IQSEC3: variants seen among roughly 807,000 people sequenced by gnomAD.
IQSEC3 encodes IQ motif and SEC7 domain-containing protein 3.
A neutral mutation model predicts 105.4 loss-of-function variants in IQSEC3; 50 were observed. That is an observed-to-expected ratio of 0.47 (90% CI 0.38 to 0.60). IQSEC3 has a LOEUF of 0.60. IQSEC3 is among the 20% of genes least tolerant of loss of function. The pLI is 0.00. For missense variants in IQSEC3, 1,415 were observed against 1,630.0 expected, an observed-to-expected ratio of 0.87 and a Z score of 2.27; for synonymous variants, 708 against 746.0, an observed-to-expected ratio of 0.95 and a Z score of 0.83.
chr12:174,963 A>T lies in IQSEC3; in HGVS notation c.3479A>T (p.His1160Leu), dbSNP rs1252843299. The change falls in exon 14 of 14, where the codon CAC becomes CTC. Residue 1160 changes from histidine to leucine, a missense_variant. His to Leu is a moderately conservative substitution (Grantham distance 99). This residue lies in a region of IQSEC3 where 419 missense variants were observed against 436.2 expected (regional missense o/e 0.96). Transcript: ENST00000538872. Reference protein sequence around the residue: ...PPPPPPYNHPHQFCPPGSLLH... With the variant: ...PPPPPPYNHPLQFCPPGSLLH... ...CCCCCACCCCCCTACAACCACCCTC[A>T]CCAGTTCTGTCCCCCAGGCTCCCTG... The T allele has an allele frequency of 7.3e-7, 1 of 1,371,606 alleles. No individual in the cohort carries two copies. Among genetic ancestry groups the T allele is most frequent in the East Asian group, 3.0e-5 (1 of 33,600 alleles). The allele number at this position is 1,371,606 out of a possible 1,614,324, so 85.0% of individuals were successfully genotyped here. A position where few individuals can be genotyped will look rare whatever the true frequency, so the allele number is the denominator to read the frequency against.
At chr12:113,406 G>A (rs1864956289) in intron 2 of IQSEC3, among the ~76,000 whole-genome samples, 1 of 152,250 alleles carries the variant, frequency 6.6e-6, no homozygotes, top group South Asian at 2.1e-4. Flanking sequence ...AGCAGGCAGA[G>A]GTTAAGACCA....
chr12:168,821 G>A (rs560861115), intron 11 of IQSEC3, among the ~76,000 whole-genome samples, 192 bp from the exon 12 acceptor site: 10 of 152,242 alleles, frequency 6.6e-5, no homozygotes, highest in African/African-American at 2.2e-4. Flanking sequence ...TACAGATGAC[G>A]AAACTGCGGC....
At position 119,001 on chromosome 12, in the gene IQSEC3, C is replaced by T. The variant is rs140301967; in HGVS notation, c.624-6632C>T. On this transcript the variant is annotated intron_variant, in intron 2 of 13. Transcript: ENST00000538872. ...CTGGGTGGAAAGTTGTACTTCCCAC[C>T]GTGGTGGATATGCTAACCTATGGGT... is the stretch of plus-strand genomic sequence containing the variant. Among the ~76,000 whole-genome samples the T allele has an allele frequency of 1.6e-4, 24 of 152,332 alleles. 1 individual carries two copies. Among genetic ancestry groups the T allele is most frequent in the African/African-American group, 5.5e-4 (23 of 41,576 alleles).
At chr12:69,706 T>C (rs1318219497) in intron 1 of IQSEC3, among the ~76,000 whole-genome samples, 2 of 152,268 alleles carry the variant, frequency 1.3e-5, no homozygotes, top group African/African-American at 4.8e-5. Context: ...TCTTGGCTGG[T>C]TGAATATCTT....
rs1256262167 is a variant in IQSEC3 at position 125,785 on chromosome 12, C to T, written c.776C>T (p.Ser259Phe). The T allele has an allele frequency of 4.6e-6, 7 of 1,517,550 alleles. No individual in the cohort carries two copies. Among genetic ancestry groups the T allele is most frequent in the Non-Finnish European group, 6.1e-6 (7 of 1,139,444 alleles). 94.0% of individuals were successfully genotyped at this position (1,517,550 alleles called of 1,614,324 possible). A position where few individuals can be genotyped will look rare whatever the true frequency, so the allele number is the denominator to read the frequency against. ...GAGCGGCCGGGGGCAGGGGCTGCCT[C>T]CCCAAGGGCTGGCCCCCAGCACAAG... is the stretch of plus-strand genomic sequence containing the variant. Reference protein sequence around the residue: ...EEERPGAGAASPRAGPQHKAS... With the variant: ...EEERPGAGAAFPRAGPQHKAS... Residue 259 changes from serine (S) to phenylalanine (F), a missense_variant, in exon 3 of 14, where the codon TCC (serine) becomes TTC (phenylalanine). This residue lies in a region of IQSEC3 where 720 missense variants were observed against 633.0 expected (regional missense o/e 1.14). Coordinates refer to ENST00000538872, the MANE Select transcript of IQSEC3 (RefSeq NM_001170738.2).
At chr12:123,745 G>T (rs1865293154) in intron 2 of IQSEC3, among the ~76,000 whole-genome samples, 1 of 152,116 alleles carries the variant, frequency 6.6e-6, no homozygotes, top group Non-Finnish European at 1.5e-5. Context: ...CCCTCCTCTG[G>T]TGTCATTTGG....
intron 9 of IQSEC3, among the ~76,000 whole-genome samples, chr12:164,381 G>T (rs1867071019): frequency 6.6e-6 from 1 of 151,878 alleles, no homozygotes. Context: ...GATCTCTCTG[G>T]AGTGCACATC....
intron 2 of IQSEC3, among the ~76,000 whole-genome samples, chr12:115,378 G>C (rs1038383654): frequency 1.3e-5 from 2 of 152,186 alleles, no homozygotes; most frequent in East Asian, 1.9e-4. Flanking sequence ...AGGGGCTTTA[G>C]AGCCAAGAGA....
intron 1 of IQSEC3, among the ~76,000 whole-genome samples, chr12:71,680 A>G (rs1863324860): frequency 6.6e-6 from 1 of 152,286 alleles, no homozygotes; most frequent in Non-Finnish European, 1.5e-5. Context: ...TGCTCATCCT[A>G]AGTCCCTACC....
At chr12:127,686 T>A (rs1399495634) in intron 3 of IQSEC3, among the ~76,000 whole-genome samples, 5 of 152,118 alleles carry the variant, frequency 3.3e-5, no homozygotes, top group Non-Finnish European at 5.9e-5. Flanking sequence ...TTTTGAGAAG[T>A]GTCTGTTCAT....
Position 113,951 on chromosome 12 carries a change from C to G in IQSEC3, c.624-11682C>G, listed in dbSNP as rs189709801. On this transcript the variant is annotated intron_variant, in intron 2 of 13. Coordinates refer to ENST00000538872, the MANE Select transcript of IQSEC3 (RefSeq NM_001170738.2). The stretch of plus-strand genomic sequence containing the variant: ...AATGTGTGGCACTTGAAAGCATAAA[C>G]CAGATAATTCAAATCTAGGTTCAGG... 5.1e-4 allele frequency among the ~76,000 whole-genome samples: 77 copies of G among 152,334 alleles called. 1 individual carries two copies. The highest frequency in any genetic ancestry group is 1.7e-3 in the African/African-American group (71 of 41,578).
intron 7 of IQSEC3, 32 bp downstream of exon 7, chr12:157,726 A>G (rs767622995): frequency 6.3e-7 from 1 of 1,596,554 alleles, no homozygotes; most frequent in Non-Finnish European, 8.5e-7. Flanking sequence ...CAGGAGGGGC[A>G]AGGCCACGGC....
chr12:173,926 G>T (rs1044819088), intron 13 of IQSEC3, among the ~76,000 whole-genome samples: 1 of 152,186 alleles, frequency 6.6e-6, no homozygotes, highest in Non-Finnish European at 1.5e-5. Flanking sequence ...CCTCTCTGGG[G>T]ATCCTCTCCT....
chr12:125,039 C>G (rs181243075), intron 2 of IQSEC3, among the ~76,000 whole-genome samples: 6 of 152,264 alleles, frequency 3.9e-5, no homozygotes, highest in Admixed American at 3.3e-4. Flanking sequence ...CCAAGCCAGG[C>G]CAGGCACCCT....
At chr12:103,262 A>T (rs150928579) in intron 2 of IQSEC3, among the ~76,000 whole-genome samples, 280 of 151,006 alleles carry the variant, frequency 1.9e-3, no homozygotes, top group Non-Finnish European at 3.5e-3. Flanking sequence ...CTCAAGGGTG[A>T]TAATGGGGCC....
intron 5 of IQSEC3, chr12:147,781 G>A (rs782156574): frequency 3.9e-5 from 6 of 152,150 alleles, no homozygotes; most frequent in African/African-American, 1.2e-4. Context: ...GCTATGCCCC[G>A]ATCCTCTCAA....
At chr12:106,124 C>T (rs1468972003) in intron 2 of IQSEC3, among the ~76,000 whole-genome samples, 3 of 152,216 alleles carry the variant, frequency 2.0e-5, no homozygotes, top group Non-Finnish European at 4.4e-5. Context: ...TCTTGTTTAA[C>T]CCCTAATAGA....
chr12:119,360 G>A (rs1865146747), intron 2 of IQSEC3, among the ~76,000 whole-genome samples: 1 of 152,210 alleles, frequency 6.6e-6, no homozygotes, highest in South Asian at 2.1e-4. Flanking sequence ...GGCCTATGGA[G>A]TCTGTAAAGC....
intron 13 of IQSEC3, chr12:171,548 G>A (rs1240965404): frequency 6.8e-6 from 4 of 589,514 alleles, no homozygotes; most frequent in African/African-American, 3.7e-5. Context: ...CCCACATCCC[G>A]TTCCCCAAGT....
Sources: gnomAD v4.1 joint callset for allele counts (sites outside exome capture counted in the v4.1 genomes callset) on GRCh38, gnomAD v4.1.1 for gene constraint, gnomAD v4.1.1 regional missense constraint, MANE v1.5 for transcripts, NCBI Gene and HGNC (gene_info 2026-07-23, HGNC 2026-07-21) for gene names.